The following ADD2 variants were observed in gnomAD, a reference collection of about 807,000 sequenced individuals.
ADD2 encodes the protein beta-adducin.
ADD2 carries 23 observed loss-of-function variants against 83.0 expected under a neutral mutation model. The observed-to-expected ratio is 0.28, with a 90% CI of 0.20 to 0.39. The LOEUF (loss-of-function observed/expected upper bound fraction) is 0.39. Among genes scored for constraint, ADD2 ranks in the 10% least tolerant of loss-of-function variants. The pLI is 1.00. For synonymous variants in ADD2, 375 were observed against 375.4 expected (o/e 1.00, Z 0.01); for missense variants, 758 against 944.9 (o/e 0.80, Z 2.59).
intron 6 of ADD2, 116 bp from the exon 7 acceptor site, chr2:70,692,668 C>T (rs1671105395): frequency 8.7e-7 from 1 of 1,153,810 alleles, no homozygotes; most frequent in African/African-American, 1.6e-5. Flanking sequence ...TTCCAGACAC[C>T]ATGAGCAATG....
chr2:70,713,063 T>C lies in ADD2; in HGVS notation c.-35+3A>G. 8 of 984,634 alleles carry C rather than the reference T, an allele frequency of 8.1e-6. No homozygotes were observed. Among genetic ancestry groups the C allele is most frequent in the Non-Finnish European group, 9.6e-6 (8 of 829,204 alleles). 61.0% of individuals were successfully genotyped at this position (984,634 alleles called of 1,614,324 possible). ...TCACCACCAGAAACTACTGCTTACT[T>C]ACCGGGAGGCTGGCCCAGCCCTGTC... On this transcript the variant is annotated splice_donor_region_variant and intron_variant, in intron 2 of 15. Transcript: ENST00000264436.
At chr2:70,686,513 G>A (rs951688256) in intron 9 of ADD2, among the ~76,000 whole-genome samples, 3 of 152,158 alleles carry the variant, frequency 2.0e-5, no homozygotes, top group Non-Finnish European at 2.9e-5. Flanking sequence ...GGGGTGGTGC[G>A]ACACATGGGC....
rs1016225955 is a variant in ADD2 at position 70,657,714 on chromosome 2, A to C, written c.*5711T>G. On this transcript the variant is annotated 3_prime_UTR_variant, in exon 16 of 16. Transcript: ENST00000264436. ...TATACAAGATAATTTGCTGGGGGAGAGAAGAGTTTAGGGTCTTTCTACAGT... is the reference window on the plus strand; with the variant it reads ...TATACAAGATAATTTGCTGGGGGAGCGAAGAGTTTAGGGTCTTTCTACAGT... 2 of 151,948 alleles carry C rather than the reference A, an allele frequency of 1.3e-5. No homozygotes were observed. Among genetic ancestry groups the C allele is most frequent in the East Asian group, 3.8e-4 (2 of 5,200 alleles). 9.4% of individuals were successfully genotyped at this position (151,948 alleles called of 1,614,324 possible). A position where few individuals can be genotyped will look rare whatever the true frequency, so the allele number is the denominator to read the frequency against.
chr2:70,731,847 C>T (rs1661579566), intron 1 of ADD2, among the ~76,000 whole-genome samples: 1 of 152,214 alleles, frequency 6.6e-6, no homozygotes, highest in African/African-American at 2.4e-5. Flanking sequence ...TGTGTCATGT[C>T]AGGCAGTCCC....
At chr2:70,704,108 G>A (rs1671756379) in intron 4 of ADD2, among the ~76,000 whole-genome samples, 1 of 152,032 alleles carries the variant, frequency 6.6e-6, no homozygotes, top group Non-Finnish European at 1.5e-5. Flanking sequence ...CTGGCATTGG[G>A]GTAATTTTTC....
chr2:70,724,304 C>G (rs1444867355), intron 1 of ADD2, among the ~76,000 whole-genome samples: 1 of 152,220 alleles, frequency 6.6e-6, no homozygotes, highest in Non-Finnish European at 1.5e-5. Flanking sequence ...GTGAGCCCCT[C>G]CACCACTGCG....
intron 11 of ADD2, among the ~76,000 whole-genome samples, 154 bp downstream of exon 11, chr2:70,678,550 G>C (rs1351902005): frequency 6.6e-6 from 1 of 152,234 alleles, no homozygotes; most frequent in African/African-American, 2.4e-5. Context: ...CAGTGGGCCT[G>C]AGCAGCTGCT....
intron 2 of ADD2, among the ~76,000 whole-genome samples, chr2:70,710,499 C>T (rs541935665): frequency 1.3e-5 from 2 of 152,226 alleles, no homozygotes; most frequent in Non-Finnish European, 2.9e-5. Context: ...AGAGGTACTC[C>T]GATGGGGGTG....
At chr2:70,728,896 T>C (rs554035542) in intron 1 of ADD2, among the ~76,000 whole-genome samples, 1 of 152,376 alleles carries the variant, frequency 6.6e-6, no homozygotes, top group South Asian at 2.1e-4. Context: ...TGTTTGTTTT[T>C]GGTGGTGCGG....
In ADD2 at chr2:70,695,733, T is replaced by C. The variant is rs782781124; in HGVS notation, c.543A>G (p.Thr181=). ...GGACTGTACTCACCAGGCTGGACGC[T>C]GTGACTTCACTGCAAGAAACTCCCT... is the stretch of plus-strand genomic sequence containing the variant. ...SPKGVSCSEV[T]ASSLIKVNIL... Residue 181 remains threonine (T), a synonymous_variant, in exon 6 of 16, where the codon ACA becomes ACG. Transcript: ENST00000264436. The C allele has an allele frequency of 3.7e-6, 6 of 1,613,964 alleles. No homozygotes were observed. The African/African-American group carries it at 8.0e-5, about 22-fold the overall frequency.
intron 9 of ADD2, among the ~76,000 whole-genome samples, chr2:70,684,530 T>C (rs1670620380): frequency 6.6e-6 from 1 of 152,242 alleles, no homozygotes; most frequent in African/African-American, 2.4e-5. Flanking sequence ...ATTACAGGCA[T>C]GAACCACCAT....
intron 1 of ADD2, among the ~76,000 whole-genome samples, chr2:70,742,314 T>C (rs1351550511): frequency 6.6e-6 from 1 of 152,146 alleles, no homozygotes; most frequent in Non-Finnish European, 1.5e-5. Context: ...TATAATCAAG[T>C]ACATTACCAG....
intron 3 of ADD2, 125 bp from the exon 4 acceptor site, chr2:70,704,584 C>T: frequency 8.8e-7 from 1 of 1,135,260 alleles, no homozygotes; most frequent in Admixed American, 2.3e-5. Context: ...TCAGGGTCCC[C>T]AGCTACAGGG....
chr2:70,739,713 C>T (rs1673777374), intron 1 of ADD2, among the ~76,000 whole-genome samples: 1 of 152,282 alleles, frequency 6.6e-6, no homozygotes, highest in Non-Finnish European at 1.5e-5. Context: ...AGATCACATC[C>T]TTCGCAGGCA....
Position 70,662,008 on chromosome 2 carries a change from A to G in ADD2, c.*1417T>C, listed in dbSNP as rs1202343735. On this transcript the variant is annotated 3_prime_UTR_variant, in exon 16 of 16. Transcript: ENST00000264436. ...AGGGTTAAAGAATGTAATGTATGTG[A>G]AGCCTGCACAGTGTCTATAGATAGC... 2 of 152,234 alleles carry G rather than the reference A, an allele frequency of 1.3e-5. No individual in the cohort carries two copies. The highest frequency in any genetic ancestry group is 2.9e-5 in the Non-Finnish European group (2 of 68,032). The allele number at this position is 152,234 out of a possible 1,614,324, so 9.4% of individuals were successfully genotyped here. A position where few individuals can be genotyped will look rare whatever the true frequency, so the allele number is the denominator to read the frequency against.
At position 70,688,380 on chromosome 2, in the gene ADD2, G is replaced by T. The variant is rs148005845; in HGVS notation, c.850-258C>A. On this transcript the variant is annotated intron_variant, in intron 8 of 15. Transcript: ENST00000264436. ...GATCAATTTCTTTAGGCAACGCCTG[G>T]GTTTTTATGCATTTTAAAAATTGAA... Among the ~76,000 whole-genome samples the T allele has an allele frequency of 3.6e-3, 550 of 152,288 alleles. 3 individuals are homozygous for T. The highest frequency in any genetic ancestry group is 0.012 in the African/African-American group (504 of 41,550).
intron 8 of ADD2, among the ~76,000 whole-genome samples, chr2:70,688,826 G>A (rs1430590209): frequency 3.3e-5 from 5 of 152,210 alleles, no homozygotes; most frequent in Non-Finnish European, 7.4e-5. Flanking sequence ...CTCAGCCGTG[G>A]TGGGTCACGC....
chr2:70,688,002 C>G (rs2074820), intron 9 of ADD2, 22 bp downstream of exon 9: 412,735 of 1,604,738 alleles, frequency 0.26, 54,831 homozygotes, highest in East Asian at 0.39. Flanking sequence ...CCTGGGCCCA[C>G]TTTCCAGGAG....
chr2:70,736,651 T>C (rs1673577905), intron 1 of ADD2, among the ~76,000 whole-genome samples: 1 of 152,138 alleles, frequency 6.6e-6, no homozygotes, highest in Admixed American at 6.5e-5. Context: ...TTCTAGAACT[T>C]TTCATATACT....
Sources: allele counts gnomAD v4.1 joint callset (sites outside exome capture counted in the v4.1 genomes callset), GRCh38; gene constraint gnomAD v4.1.1; transcripts MANE v1.5; gene names NCBI Gene and HGNC (gene_info 2026-07-23, HGNC 2026-07-21).